The following STAU2 variants were observed in gnomAD, a reference collection of about 807,000 sequenced individuals.
STAU2 encodes staufen double-stranded RNA binding protein 2.
In STAU2, 20 loss-of-function variants were observed where a neutral mutation model predicts 65.9. The observed-to-expected ratio is 0.30, with a 90% CI of 0.21 to 0.44. The LOEUF (loss-of-function observed/expected upper bound fraction) is 0.44. Among genes scored for constraint, STAU2 ranks in the 20% least tolerant of loss-of-function variants. The pLI, the probability that STAU2 is intolerant of heterozygous loss-of-function variation, is 1.00. For missense variants in STAU2, 558 were observed against 683.9 expected, an observed-to-expected ratio of 0.82 and a Z score of 2.05; for synonymous variants, 232 against 233.9, an observed-to-expected ratio of 0.99 and a Z score of 0.07.
chr8:73,525,309 T>C (rs993976639), intron 13 of STAU2, among the ~76,000 whole-genome samples: 14 of 152,244 alleles, frequency 9.2e-5, no homozygotes, highest in African/African-American at 3.1e-4. Flanking sequence ...GTGAGACCAC[T>C]ATGTACAGTC....
intron 4 of STAU2, among the ~76,000 whole-genome samples, chr8:73,697,703 T>TCTACACTTTA (rs1819780609): frequency 6.6e-6 from 1 of 152,172 alleles, no homozygotes. Context: ...AGTTAAAGTG[T>TCTACACTTTA]AGAGTTTTAA....
chr8:73,490,806 G>C (rs1199672509), intron 13 of STAU2, among the ~76,000 whole-genome samples: 1 of 151,938 alleles, frequency 6.6e-6, no homozygotes, highest in African/African-American at 2.4e-5. Context: ...TTAAAGAATT[G>C]ATAAATAATG....
chr8:73,487,396 G>A (rs1307019164), intron 13 of STAU2, among the ~76,000 whole-genome samples: 1 of 152,108 alleles, frequency 6.6e-6, no homozygotes, highest in African/African-American at 2.4e-5. Context: ...AAATTAATAA[G>A]AAAGTGAAGA....
chr8:73,530,930 G>A (rs1308932792), intron 13 of STAU2, among the ~76,000 whole-genome samples: 1 of 152,268 alleles, frequency 6.6e-6, no homozygotes, highest in Admixed American at 6.5e-5. Context: ...GCCAGAGGGG[G>A]CCACTGACTC....
At chr8:73,680,218 C>CT (rs1460888415) in intron 5 of STAU2, among the ~76,000 whole-genome samples, 1 of 151,918 alleles carries the variant, frequency 6.6e-6, no homozygotes, top group Non-Finnish European at 1.5e-5. Context: ...ACAGAAGCCA[C>CT]TGCAGGCATG....
chr8:73,747,003 G>A, upstream of STAU2: 2 of 355,658 alleles, frequency 5.6e-6, no homozygotes, highest in South Asian at 1.1e-4. Flanking sequence ...CCCGGCCGGC[G>A]CGCGCGCCCG....
intron 6 of STAU2, among the ~76,000 whole-genome samples, chr8:73,666,709 T>C (rs1018999199): frequency 6.6e-6 from 1 of 152,170 alleles, no homozygotes; most frequent in African/African-American, 2.4e-5. Context: ...ATGTAGGCCA[T>C]AAACTTGTTC....
intron 13 of STAU2, among the ~76,000 whole-genome samples, chr8:73,460,296 G>T (rs974460581): frequency 2.0e-5 from 3 of 152,190 alleles, no homozygotes; most frequent in African/African-American, 4.8e-5. Context: ...GACTAAAGTG[G>T]TTTGGGCAAG....
chr8:73,494,026 T>C (rs1306282387), intron 13 of STAU2, among the ~76,000 whole-genome samples: 1 of 151,778 alleles, frequency 6.6e-6, no homozygotes, highest in Non-Finnish European at 1.5e-5. Flanking sequence ...GAGGGTCGTG[T>C]GGGCTGAGAT....
intron 13 of STAU2, among the ~76,000 whole-genome samples, chr8:73,544,588 C>T (rs1806774502): frequency 6.6e-6 from 1 of 152,192 alleles, no homozygotes; most frequent in Non-Finnish European, 1.5e-5. Flanking sequence ...TTCTTATCCA[C>T]CTTAAAATCT....
rs537274775 is a variant in STAU2, at chr8:73,615,935, A to G, written c.571-153T>C. 5.6e-6 allele frequency: 3 copies of G among 534,776 alleles called. No homozygotes were observed. The South Asian group carries it at 8.8e-5, about 16-fold the overall frequency. The allele number at this position is 534,776 out of a possible 1,614,324, so 33.1% of individuals were successfully genotyped here. On this transcript the variant is annotated intron_variant, in intron 7 of 14. Coordinates refer to ENST00000524300, the MANE Select transcript of STAU2 (RefSeq NM_001164380.2). ...CATTCTCCTGTAACCACAGCGGTCA[A>G]GGGCTTTGCTGCCAGGCTTTTTGTT...
chr8:73,574,614 G>C (rs1281409882), intron 12 of STAU2, among the ~76,000 whole-genome samples: 2 of 152,168 alleles, frequency 1.3e-5, no homozygotes, highest in Non-Finnish European at 2.9e-5. Context: ...GTAGGGACAT[G>C]GATAAAGCTG....
chr8:73,431,754 CTGTG>C (rs745634012), intron 13 of STAU2, among the ~76,000 whole-genome samples: 9 of 151,376 alleles, frequency 5.9e-5, no homozygotes, highest in South Asian at 4.2e-4. Context: ...GCACGCACGC[CTGTG>C]TGTGTGTGTG....
chr8:73,693,852 C>T (rs554165067), intron 4 of STAU2, among the ~76,000 whole-genome samples: 1 of 152,316 alleles, frequency 6.6e-6, no homozygotes, highest in Non-Finnish European at 1.5e-5. Context: ...AATAAGAACA[C>T]ATGGTTAGTT....
chr8:73,520,420 T>C (rs1302556676), intron 13 of STAU2, among the ~76,000 whole-genome samples: 4 of 152,216 alleles, frequency 2.6e-5, no homozygotes, highest in African/African-American at 9.6e-5. Context: ...TACAATTAAT[T>C]TTAACTGTTT....
At chr8:73,723,783 C>T (rs950477907) in intron 3 of STAU2, among the ~76,000 whole-genome samples, 1 of 152,164 alleles carries the variant, frequency 6.6e-6, no homozygotes, top group African/African-American at 2.4e-5. Context: ...TTTTAATGCC[C>T]TCTGCTAATT....
chr8:73,743,276 C>A (rs1373613689), intron 1 of STAU2, among the ~76,000 whole-genome samples: 1 of 151,066 alleles, frequency 6.6e-6, no homozygotes, highest in Non-Finnish European at 1.5e-5. Context: ...ACGCTAGGTG[C>A]CACATTTTGC....
chr8:73,618,809 A>G (rs1223855438), intron 6 of STAU2, among the ~76,000 whole-genome samples: 2 of 152,216 alleles, frequency 1.3e-5, no homozygotes, highest in African/African-American at 2.4e-5. Flanking sequence ...TTTCTAGATG[A>G]ATTTTGAAAG....
At chr8:73,544,754 T>C (rs1806786106) in intron 13 of STAU2, among the ~76,000 whole-genome samples, 1 of 152,246 alleles carries the variant, frequency 6.6e-6, no homozygotes, top group Non-Finnish European at 1.5e-5. Flanking sequence ...ATGTCATTTA[T>C]TATGTGGGGT....
Sources: allele counts gnomAD v4.1 joint callset (sites outside exome capture counted in the v4.1 genomes callset), GRCh38; gene constraint gnomAD v4.1.1; transcripts MANE v1.5; gene names NCBI Gene and HGNC (gene_info 2026-07-23, HGNC 2026-07-21).